KLF12: variants seen among roughly 807,000 people sequenced by gnomAD.
KLF12 encodes the protein KLF transcription factor 12, also known as Krueppel-like factor 12.
A neutral mutation model predicts 37.8 loss-of-function variants in KLF12; 9 were observed. The ratio of observed to expected loss-of-function variants is 0.24; its 90% confidence interval spans 0.14 to 0.42. The LOEUF is 0.42. Among genes scored for constraint, KLF12 ranks in the 10% least tolerant of loss-of-function variants. The pLI, the probability that KLF12 is intolerant of heterozygous loss-of-function variation, is 1.00. For missense variants in KLF12, 411 were observed against 516.0 expected, an observed-to-expected ratio of 0.80 and a Z score of 1.97; for synonymous variants, 208 against 202.1, an observed-to-expected ratio of 1.03 and a Z score of -0.25.
intron 6 of KLF12, among the ~76,000 whole-genome samples, chr13:73,718,619 G>A (rs532783902): frequency 2.6e-5 from 4 of 152,302 alleles, no homozygotes; most frequent in East Asian, 1.9e-4. Context: ...TTAGCTGGAC[G>A]TGGTGGCTCA....
chr13:73,904,370 A>G (rs1888173308), intron 3 of KLF12, among the ~76,000 whole-genome samples: 1 of 152,024 alleles, frequency 6.6e-6, no homozygotes, highest in Non-Finnish European at 1.5e-5. Flanking sequence ...ATCTATCGTA[A>G]ATGCAATTTT....
chr13:74,192,523 T>G, the KLF12 span, among the ~76,000 whole-genome samples: 1 of 152,248 alleles, frequency 6.6e-6, no homozygotes, highest in African/African-American at 2.4e-5. Context: ...GCATATTTAT[T>G]ATGCTTTGGT....
At chr13:74,030,653 T>C (rs921165881) in intron 1 of KLF12, among the ~76,000 whole-genome samples, 5 of 152,148 alleles carry the variant, frequency 3.3e-5, no homozygotes, top group African/African-American at 1.2e-4. Context: ...TTAGTATCAC[T>C]TCTTAGAAGC....
intron 4 of KLF12, among the ~76,000 whole-genome samples, chr13:73,817,446 G>A (rs983496902): frequency 7.9e-5 from 12 of 152,028 alleles, no homozygotes; most frequent in Admixed American, 6.5e-5. Flanking sequence ...AGTGCACCAG[G>A]TTATTCTCCC....
upstream of KLF12, among the ~76,000 whole-genome samples, chr13:74,138,588 T>C (rs1878623138): frequency 6.6e-6 from 1 of 152,190 alleles, no homozygotes; most frequent in African/African-American, 2.4e-5. Flanking sequence ...CGTAACTTTG[T>C]TTTATTGCAA....
chr13:74,295,135 G>A, the KLF12 span, among the ~76,000 whole-genome samples: 4 of 152,168 alleles, frequency 2.6e-5, no homozygotes, highest in Non-Finnish European at 4.4e-5. Flanking sequence ...TTATCTGGTA[G>A]TGTTGTCATG....
intron 7 of KLF12, among the ~76,000 whole-genome samples, chr13:73,708,877 T>C (rs1875147471): frequency 6.6e-6 from 1 of 152,204 alleles, no homozygotes; most frequent in South Asian, 2.1e-4. Context: ...TGAATATGCA[T>C]ATTTATTTAA....
At chr13:73,975,457 CA>C (rs1891486636) in intron 2 of KLF12, among the ~76,000 whole-genome samples, 1 of 152,158 alleles carries the variant, frequency 6.6e-6, no homozygotes, top group Non-Finnish European at 1.5e-5. Flanking sequence ...CAAATCTACT[CA>C]TTTTTTTCCA....
At chr13:73,734,099 C>T (rs1285179519) in intron 6 of KLF12, among the ~76,000 whole-genome samples, 3 of 152,322 alleles carry the variant, frequency 2.0e-5, no homozygotes, top group Non-Finnish European at 2.9e-5. Flanking sequence ...TGCTATTCTT[C>T]TGCTTAGAAT....
intron 7 of KLF12, among the ~76,000 whole-genome samples, chr13:73,699,524 G>A (rs1479803248): frequency 2.0e-5 from 3 of 152,182 alleles, no homozygotes; most frequent in African/African-American, 7.2e-5. Flanking sequence ...CTATGAGGGT[G>A]AAGGTCACAT....
chr13:74,186,703 C>T, the KLF12 span, among the ~76,000 whole-genome samples: 1 of 152,128 alleles, frequency 6.6e-6, no homozygotes, highest in Non-Finnish European at 1.5e-5. Flanking sequence ...TTTTAAACTA[C>T]ATTTTACCTA....
chr13:74,190,688 G>T, the KLF12 span, among the ~76,000 whole-genome samples: 1 of 152,110 alleles, frequency 6.6e-6, no homozygotes, highest in South Asian at 2.1e-4. Context: ...TACCATTTAA[G>T]TGTCTCTTAT....
the KLF12 span, among the ~76,000 whole-genome samples, chr13:74,179,327 T>C: frequency 6.6e-6 from 1 of 152,234 alleles, no homozygotes; most frequent in African/African-American, 2.4e-5. Context: ...AATGTGTATG[T>C]TCAATATGAA....
chr13:73,879,746 C>T (rs1886889450), intron 3 of KLF12, among the ~76,000 whole-genome samples: 1 of 152,184 alleles, frequency 6.6e-6, no homozygotes, highest in South Asian at 2.1e-4. Flanking sequence ...GGCCTGCAGG[C>T]CAAATCCCAC....
intron 1 of KLF12, among the ~76,000 whole-genome samples, chr13:74,054,808 A>G (rs1873147641): frequency 6.6e-6 from 1 of 152,242 alleles, no homozygotes; most frequent in African/African-American, 2.4e-5. Context: ...CAAAATAAAA[A>G]CAATGTCTAC....
chr13:73,850,687 A>G (rs17061574), intron 3 of KLF12, among the ~76,000 whole-genome samples: 8,439 of 152,258 alleles, frequency 0.055, 555 homozygotes, highest in African/African-American at 0.16. Context: ...TAACACCAGC[A>G]ATGTTTAGAG....
At chr13:74,287,566 A>C in the KLF12 span, among the ~76,000 whole-genome samples, 1 of 152,208 alleles carries the variant, frequency 6.6e-6, no homozygotes, top group Non-Finnish European at 1.5e-5. Flanking sequence ...CATAGAGTTT[A>C]ATTGATGCAA....
intron 3 of KLF12, among the ~76,000 whole-genome samples, chr13:73,940,769 T>A (rs929336745): frequency 6.6e-6 from 1 of 152,158 alleles, no homozygotes; most frequent in Non-Finnish European, 1.5e-5. Flanking sequence ...CATGACCACA[T>A]ACACACAGCA....
chr13:73,789,673 C>CT (rs376606853), intron 5 of KLF12, among the ~76,000 whole-genome samples: 1,706 of 141,722 alleles, frequency 0.012, 19 homozygotes, highest in African/African-American at 0.035. Flanking sequence ...TATCTCTAAT[C>CT]TTTTTTTTTT....
Sources: allele counts gnomAD v4.1 joint callset (sites outside exome capture counted in the v4.1 genomes callset), GRCh38; gene constraint gnomAD v4.1.1; transcripts MANE v1.5; gene names NCBI Gene and HGNC (gene_info 2026-07-23, HGNC 2026-07-21).